TMPRSS3: variants seen among roughly 807,000 people sequenced by gnomAD.
The protein encoded by TMPRSS3 is transmembrane serine protease 3, also known as transmembrane protease serine 3.
TMPRSS3 carries 55 observed loss-of-function variants against 59.6 expected under a neutral mutation model. The observed-to-expected ratio is 0.92, with a 90% CI of 0.74 to 1.16. TMPRSS3 has a LOEUF of 1.16. Ranked by LOEUF, TMPRSS3 falls within the 50% of genes most tolerant of loss-of-function variation. TMPRSS3 has a pLI of 0.00. For synonymous variants in TMPRSS3, 257 were observed against 237.7 expected (o/e 1.08, Z -0.75); for missense variants, 596 against 579.4 (o/e 1.03, Z -0.29).
intron 5 of TMPRSS3, 38 bp from the exon 6 acceptor site, chr21:42,385,572 C>G: frequency 6.2e-7 from 1 of 1,613,242 alleles, no homozygotes; most frequent in Non-Finnish European, 8.5e-7. Flanking sequence ...GACGTGGTAA[C>G]TTTACACTTT....
chr21:42,395,384 G>A lies in TMPRSS3; in HGVS notation c.34C>T (p.Pro12Ser), dbSNP rs1020329378. The change falls in exon 2 of 13, where the codon CCC becomes TCC. Residue 12 changes from proline (P) to serine (S), a missense_variant. Coordinates refer to ENST00000644384, the MANE Select transcript of TMPRSS3 (RefSeq NM_001256317.3). ...GENDPPAVEA[P>S]FSFRSLFGLD... ...CCAAAAAGCGATCGGAATGAGAAGG[G>A]GGCTTCAACAGCAGGCGGATCATTT... 6.2e-7 allele frequency: 1 copy of A among 1,613,992 alleles called. No individual in the cohort carries two copies. The highest frequency in any genetic ancestry group is 8.5e-7 in the Non-Finnish European group (1 of 1,180,024).
At chr21:42,382,774 G>T in intron 8 of TMPRSS3, 1 of 560,870 alleles carries the variant, frequency 1.8e-6, no homozygotes, top group Non-Finnish European at 3.2e-6. Context: ...GTTTCCTCCA[G>T]CACAGGAGCT....
At chr21:42,395,593 A>G in intron 1 of TMPRSS3, 125 bp from the exon 2 acceptor site, 2 of 668,026 alleles carry the variant, frequency 3.0e-6, no homozygotes, top group East Asian at 5.8e-5. Flanking sequence ...AGTATCGATT[A>G]ACCAAAAACA....
chr21:42,385,378 G>A (rs754716416), intron 6 of TMPRSS3, 31 bp downstream of exon 6: 15 of 1,613,208 alleles, frequency 9.3e-6, no homozygotes, highest in South Asian at 4.4e-5. Flanking sequence ...CTCGATACCT[G>A]TGCAGACAAC....
chr21:42,388,948 CCCGTCTT>C lies in TMPRSS3; in HGVS notation c.296_302del (p.Lys99ArgfsTer51). The C allele has an allele frequency of 6.2e-7, 1 of 1,614,202 alleles. No individual in the cohort carries two copies. Among genetic ancestry groups the C allele is most frequent in the Non-Finnish European group, 8.5e-7 (1 of 1,180,008 alleles). On this transcript the variant is annotated frameshift_variant, in exon 4 of 13. Coordinates refer to ENST00000644384, the MANE Select transcript of TMPRSS3 (RefSeq NM_001256317.3). LOFTEE classifies it high-confidence loss of function. This position sits in a 1 kb window ranked among gnomAD's most constrained non-coding sequence, Gnocchi z 5.1. Reference sequence around the variant, plus strand: ...CCTTACCACAGCGGTACTCGTCCTCCCCGTCTTTGCAATCCGAGACTCCGTCACATCG... The same window carrying C: ...CCTTACCACAGCGGTACTCGTCCTCCTGCAATCCGAGACTCCGTCACATCG...
Position 42,395,451 on chromosome 21 carries a change from C to G in TMPRSS3, c.-34G>C. On this transcript the variant is annotated 5_prime_UTR_variant, in exon 2 of 13. Coordinates refer to ENST00000644384, the MANE Select transcript of TMPRSS3 (RefSeq NM_001256317.3). ...TTTCAGGACCTCTGACATCCGGCTC[C>G]GCCTCCACCTCTACCTCCTTAGCCG... is the stretch of plus-strand genomic sequence containing the variant. 6.4e-7 allele frequency: 1 copy of G among 1,565,342 alleles called. No homozygotes were observed. The highest frequency in any genetic ancestry group is 1.7e-4 in the Middle Eastern group (1 of 5,962).
chr21:42,394,122 A>G (rs11700401), intron 2 of TMPRSS3, among the ~76,000 whole-genome samples: 4,476 of 152,286 alleles, frequency 0.029, 102 homozygotes, highest in Middle Eastern at 0.048. Flanking sequence ...TGTTCTTCTA[A>G]TGAACAATAC....
At chr21:42,389,139 C>A in intron 3 of TMPRSS3, 94 bp from the exon 4 acceptor site, 1 of 1,577,776 alleles carries the variant, frequency 6.3e-7, no homozygotes, top group East Asian at 2.3e-5. Flanking sequence ...GGAGCTGGCC[C>A]GTGAATAATG....
chr21:42,389,339 G>T (rs946119368), intron 3 of TMPRSS3, among the ~76,000 whole-genome samples: 1 of 152,198 alleles, frequency 6.6e-6, no homozygotes, highest in African/African-American at 2.4e-5. Flanking sequence ...CATGGCGGGG[G>T]GCCGACCTGC....
At chr21:42,393,340 A>G (rs1047721077) in intron 2 of TMPRSS3, among the ~76,000 whole-genome samples, 11 of 152,232 alleles carry the variant, frequency 7.2e-5, no homozygotes, top group African/African-American at 2.4e-4. Context: ...GATTCACATG[A>G]AGTGAAAGGA....
At chr21:42,382,305 C>T (rs1452802833) in intron 8 of TMPRSS3, 71 bp from the exon 9 acceptor site, 1 of 1,400,584 alleles carries the variant, frequency 7.1e-7, no homozygotes, top group Admixed American at 1.8e-5. Flanking sequence ...CTCAGGTATC[C>T]TGAAAACCTA....
Position 42,384,626 on chromosome 21 carries a change from G to A in TMPRSS3, c.573-613C>T, listed in dbSNP as rs374201959. 2.6e-5 allele frequency among the ~76,000 whole-genome samples: 4 copies of A among 152,358 alleles called. No individual in the cohort carries two copies. In the East Asian group the frequency reaches 7.7e-4, roughly 29 times the overall value. On this transcript the variant is annotated intron_variant, in intron 6 of 12. Transcript: ENST00000644384. The stretch of plus-strand genomic sequence containing the variant: ...CAGCTCATCATGCAAGAGAAAGCTA[G>A]TGTCACCAGACTGTGGATTTAGCAC...
chr21:42,383,260 C>G, intron 7 of TMPRSS3, 62 bp from the exon 8 acceptor site: 1 of 1,532,008 alleles, frequency 6.5e-7, no homozygotes, highest in Non-Finnish European at 9.0e-7. Flanking sequence ...GACATGGTGT[C>G]ACCACCATGC....
chr21:42,383,235 C>A (rs1478883538), intron 7 of TMPRSS3, 37 bp from the exon 8 acceptor site: 2 of 1,611,554 alleles, frequency 1.2e-6, no homozygotes, highest in Admixed American at 1.7e-5. Context: ...GTCCACCCTG[C>A]AGACTTCTTT....
intron 11 of TMPRSS3, among the ~76,000 whole-genome samples, chr21:42,376,192 A>G (rs1037201995): frequency 2.0e-5 from 3 of 152,148 alleles, no homozygotes; most frequent in Non-Finnish European, 4.4e-5. Context: ...GTGACCTGTG[A>G]TCCACCTAGT....
chr21:42,395,378 A>C lies in TMPRSS3; in HGVS notation c.40T>G (p.Ser14Ala). 3 of 1,614,218 alleles carry C rather than the reference A, an allele frequency of 1.9e-6. No homozygotes were observed. The highest frequency in any genetic ancestry group is 2.5e-6 in the Non-Finnish European group (3 of 1,180,044). ...NDPPAVEAPF[S>A]FRSLFGLDDL... ...TCAAGGCCAAAAAGCGATCGGAATG[A>C]GAAGGGGGCTTCAACAGCAGGCGGA... The change falls in exon 2 of 13, where the codon TCA becomes GCA. Residue 14 changes from serine (S) to alanine (A), a missense_variant. Physicochemically the swap from Ser to Ala is moderately conservative, Grantham distance 99. Coordinates refer to ENST00000644384, the MANE Select transcript of TMPRSS3 (RefSeq NM_001256317.3).
chr21:42,380,078 G>A, intron 10 of TMPRSS3, 39 bp downstream of exon 10: 2 of 1,557,814 alleles, frequency 1.3e-6, no homozygotes, highest in Non-Finnish European at 1.8e-6. Context: ...TCTGGGTTCT[G>A]AGCCCCTGGA....
Position 42,395,458 on chromosome 21 carries a change from A to T in TMPRSS3, c.-41T>A, listed in dbSNP as rs538734255. 1.1e-5 allele frequency: 17 copies of T among 1,523,672 alleles called. No homozygotes were observed. In the Admixed American group the frequency reaches 2.7e-4, roughly 24 times the overall value. The allele number at this position is 1,523,672 out of a possible 1,614,324, so 94.4% of individuals were successfully genotyped here. A position where few individuals can be genotyped will look rare whatever the true frequency, so the allele number is the denominator to read the frequency against. ...ACCTCTGACATCCGGCTCCGCCTCC[A>T]CCTCTACCTCCTTAGCCGAGGAAGA... On this transcript the variant is annotated 5_prime_UTR_variant, in exon 2 of 13. Coordinates refer to ENST00000644384, the MANE Select transcript of TMPRSS3 (RefSeq NM_001256317.3).
At chr21:42,379,506 C>T (rs891534610) in intron 10 of TMPRSS3, among the ~76,000 whole-genome samples, 7 of 152,232 alleles carry the variant, frequency 4.6e-5, no homozygotes, top group Middle Eastern at 3.4e-3. Context: ...TAATTTGTCA[C>T]GGCAGCCACG....
Sources: allele counts gnomAD v4.1 joint callset (sites outside exome capture counted in the v4.1 genomes callset), GRCh38; gene constraint gnomAD v4.1.1; non-coding constraint Gnocchi (gnomAD v3.1); transcripts MANE v1.5; gene names NCBI Gene and HGNC (gene_info 2026-07-23, HGNC 2026-07-21).